The following SEMA3D variants were observed in gnomAD, a reference collection of about 807,000 sequenced individuals.
SEMA3D encodes semaphorin 3D.
In SEMA3D, 84 loss-of-function variants were observed where a neutral mutation model predicts 100.1. The ratio of observed to expected loss-of-function variants is 0.84; its 90% CI spans 0.70 to 1.01. The LOEUF (loss-of-function observed/expected upper bound fraction) is 1.01. Ranked by LOEUF, SEMA3D falls within the 50% of genes least tolerant of loss-of-function variation. The pLI is 0.00. For synonymous variants in SEMA3D, 312 were observed against 320.7 expected (o/e 0.97, Z 0.29); for missense variants, 875 against 934.1 (o/e 0.94, Z 0.82).
chr7:85,195,110 G>A, the SEMA3D span, among the ~76,000 whole-genome samples: 1 of 152,132 alleles, frequency 6.6e-6, no homozygotes, highest in Non-Finnish European at 1.5e-5. Flanking sequence ...CATACATTAA[G>A]ATGAATACAA....
At chr7:85,180,673 A>C (rs1177243176) in intron 1 of SEMA3D, among the ~76,000 whole-genome samples, 1 of 152,204 alleles carries the variant, frequency 6.6e-6, no homozygotes, top group Non-Finnish European at 1.5e-5. Flanking sequence ...ACAATTAATG[A>C]ATCAATAATG....
chr7:85,048,467 G>A (rs1461396368), intron 9 of SEMA3D, among the ~76,000 whole-genome samples: 2 of 151,746 alleles, frequency 1.3e-5, no homozygotes, highest in Non-Finnish European at 2.9e-5. Flanking sequence ...CCTGGCATAA[G>A]CCCCCAAGAG....
At chr7:85,058,222 A>C (rs2116097517) in intron 8 of SEMA3D, among the ~76,000 whole-genome samples, 1 of 152,238 alleles carries the variant, frequency 6.6e-6, no homozygotes, top group South Asian at 2.1e-4. Context: ...TCAAAAATAT[A>C]TAAAAATAAA....
At chr7:85,245,376 GGA>G in the SEMA3D span, among the ~76,000 whole-genome samples, 5 of 152,206 alleles carry the variant, frequency 3.3e-5, no homozygotes, top group African/African-American at 1.2e-4. Flanking sequence ...AAAGACTGGT[GGA>G]AATTTAAGCA....
Position 85,103,913 on chromosome 7 carries a change from A to T in SEMA3D, c.152-5948T>A, listed in dbSNP as rs554884638. 2.6e-5 allele frequency among the ~76,000 whole-genome samples: 4 copies of T among 152,146 alleles called. No individual in the cohort carries two copies. In the East Asian group the frequency reaches 5.8e-4, roughly 22 times the overall value. ...ACCAGTAAACCACCATGGGACAATG[A>T]AATGGTTCCGAGGATCGAATTTCAT... On this transcript the variant is annotated intron_variant, in intron 3 of 18. Coordinates refer to ENST00000284136, the MANE Select transcript of SEMA3D (RefSeq NM_001384900.1).
chr7:85,240,307 A>G, the SEMA3D span, among the ~76,000 whole-genome samples: 1 of 151,836 alleles, frequency 6.6e-6, no homozygotes, highest in Non-Finnish European at 1.5e-5. Flanking sequence ...ACATTACTTG[A>G]TTTTCCAATG....
intron 8 of SEMA3D, among the ~76,000 whole-genome samples, chr7:85,057,042 A>C (rs1182198381): frequency 6.6e-6 from 1 of 151,778 alleles, no homozygotes; most frequent in African/African-American, 2.4e-5. Context: ...GGTTAATAGA[A>C]AATTGAGTAC....
At chr7:85,214,529 T>C in the SEMA3D span, among the ~76,000 whole-genome samples, 1 of 152,080 alleles carries the variant, frequency 6.6e-6, no homozygotes, top group Non-Finnish European at 1.5e-5. Flanking sequence ...AGAGTTTCCC[T>C]CTTGTTGCCC....
Position 85,015,104 on chromosome 7 carries a change from G to A in SEMA3D, c.1658C>T (p.Ala553Val). 1 of 1,611,430 alleles carries A rather than the reference G, an allele frequency of 6.2e-7. No homozygotes were observed. The highest frequency in any genetic ancestry group is 1.1e-5 in the South Asian group (1 of 90,976). The stretch of plus-strand genomic sequence containing the variant: ...TCGAGAGCATGCATTTCCATCCCAG[G>A]CACAGTAGGGGTCTCTGGCAAGACA... Reference protein sequence around the residue: ...DCCLARDPYCAWDGNACSRYA... With the variant: ...DCCLARDPYCVWDGNACSRYA... The change falls in exon 16 of 19, where the codon GCC (alanine) becomes GTC (valine). Residue 553 changes from alanine (A) to valine (V), a missense_variant. Transcript: ENST00000284136.
intron 2 of SEMA3D, among the ~76,000 whole-genome samples, chr7:85,135,420 C>T (rs893867907): frequency 6.6e-5 from 10 of 151,900 alleles, no homozygotes; most frequent in African/African-American, 9.7e-5. Flanking sequence ...AAACCAAACA[C>T]GGCATGTTCT....
At chr7:85,039,474 G>A (rs1790794410) in intron 11 of SEMA3D, among the ~76,000 whole-genome samples, 1 of 152,120 alleles carries the variant, frequency 6.6e-6, no homozygotes, top group Admixed American at 6.6e-5. Context: ...GGGGAGGCTG[G>A]TCTCAAATTC....
rs1313707819 is a variant in SEMA3D, at chr7:85,036,755, A to G, written c.1191+134T>C. On this transcript the variant is annotated intron_variant, in intron 12 of 18. Transcript: ENST00000284136. Reference sequence around the variant, plus strand: ...TGTTAAATTTCAATGAAGGATGAAAATGCTAATACTTCACTGCAAATAAAT... The same window carrying G: ...TGTTAAATTTCAATGAAGGATGAAAGTGCTAATACTTCACTGCAAATAAAT... 5 of 651,276 alleles carry G rather than the reference A, an allele frequency of 7.7e-6. No homozygotes were observed. The Admixed American group carries it at 1.5e-4, about 20-fold the overall frequency. 40.3% of individuals were successfully genotyped at this position (651,276 alleles called of 1,614,324 possible). A position where few individuals can be genotyped will look rare whatever the true frequency, so the allele number is the denominator to read the frequency against.
chr7:85,010,155 A>G (rs1021638705), intron 17 of SEMA3D, among the ~76,000 whole-genome samples: 1 of 151,796 alleles, frequency 6.6e-6, no homozygotes, highest in Admixed American at 6.6e-5. Context: ...ATGAATGCAA[A>G]CATACATAAG....
chr7:85,071,192 A>G (rs1437380251), intron 6 of SEMA3D, among the ~76,000 whole-genome samples: 2 of 152,192 alleles, frequency 1.3e-5, no homozygotes, highest in Admixed American at 6.5e-5. Context: ...ATTACACCCT[A>G]TGCTATGAGC....
At chr7:85,132,936 T>C (rs1352574273) in intron 2 of SEMA3D, among the ~76,000 whole-genome samples, 1 of 151,994 alleles carries the variant, frequency 6.6e-6, no homozygotes, top group African/African-American at 2.4e-5. Context: ...GAGTAGTTCC[T>C]GGACTAATAT....
chr7:85,194,126 G>A, the SEMA3D span, among the ~76,000 whole-genome samples: 3 of 152,136 alleles, frequency 2.0e-5, no homozygotes, highest in African/African-American at 7.2e-5. Context: ...GATTTTCTAA[G>A]TAGATGATTA....
intron 3 of SEMA3D, among the ~76,000 whole-genome samples, chr7:85,119,458 T>C (rs1359542041): frequency 2.0e-5 from 3 of 152,144 alleles, no homozygotes; most frequent in African/African-American, 7.2e-5. Context: ...GATCATGTTC[T>C]TTGCAGGGAC....
At chr7:85,240,768 A>G in the SEMA3D span, among the ~76,000 whole-genome samples, 1 of 152,106 alleles carries the variant, frequency 6.6e-6, no homozygotes, top group Non-Finnish European at 1.5e-5. Flanking sequence ...TCTATCAAAT[A>G]TGTGTGCATA....
At chr7:85,037,101 A>T in intron 11 of SEMA3D, 68 bp from the exon 12 acceptor site, 1 of 1,491,990 alleles carries the variant, frequency 6.7e-7, no homozygotes, top group Non-Finnish European at 9.1e-7. Flanking sequence ...CTGAGCACAT[A>T]CTATCAGCAG....
Sources: gnomAD v4.1 joint callset for allele counts (sites outside exome capture counted in the v4.1 genomes callset) on GRCh38, gnomAD v4.1.1 for gene constraint, MANE v1.5 for transcripts, NCBI Gene and HGNC (gene_info 2026-07-23, HGNC 2026-07-21) for gene names.